TRAPPC2L: variants seen among roughly 807,000 people sequenced by gnomAD.
TRAPPC2L encodes trafficking protein particle complex subunit 2-like protein.
Under a neutral mutation model 13.2 loss-of-function variants are expected in TRAPPC2L, and 17 were observed. The ratio of observed to expected loss-of-function variants is 1.29; its 90% confidence interval spans 0.88 to 1.93. TRAPPC2L has a LOEUF of 1.93. Among genes scored for constraint, TRAPPC2L ranks in the 30% most tolerant of loss-of-function variants. The pLI is 0.00. For missense variants in TRAPPC2L, 359 were observed against 252.1 expected (o/e 1.42, Z -2.87); for synonymous variants, 150 against 98.1 (o/e 1.53, Z -3.12).
intron 2 of TRAPPC2L, 184 bp downstream of exon 2, chr16:88,858,975 G>A (rs1187112951): frequency 1.6e-6 from 1 of 631,360 alleles, no homozygotes; most frequent in African/African-American, 1.8e-5. Flanking sequence ...GAGCCATTTG[G>A]GAAAAGCAAG....
rs762265653 is a variant in TRAPPC2L, at chr16:88,858,671, A to C, written c.86A>C (p.His29Pro). 2.5e-6 allele frequency: 4 copies of C among 1,613,392 alleles called. No individual in the cohort carries two copies. In the East Asian group the frequency reaches 8.9e-5, roughly 36 times the overall value. The stretch of plus-strand genomic sequence containing the variant: ...CCTACGGAGAACGAGCTGAAGTTCC[A>C]CTACATGGTGCACACATCTCTGGAC... The change falls in exon 2 of 4, where the codon CAC becomes CCC. Residue 29 changes from histidine (H) to proline (P), a missense_variant. His to Pro is a moderately conservative substitution (Grantham distance 77). Coordinates refer to ENST00000565504, the Ensembl canonical transcript of TRAPPC2L.
chr16:88,859,777 C>T (rs1316825967), intron 3 of TRAPPC2L, 27 bp downstream of exon 3: 1 of 1,599,158 alleles, frequency 6.3e-7, no homozygotes, highest in African/African-American at 1.3e-5. Flanking sequence ...GAGGGCCACG[C>T]CCGAGTGGGT....
upstream of TRAPPC2L, chr16:88,856,571 GCAC>G: frequency 2.6e-6 from 1 of 379,708 alleles, no homozygotes; most frequent in Non-Finnish European, 4.9e-6. Flanking sequence ...CCCCCTCCCC[GCAC>G]GGGGATACCC....
At chr16:88,859,332 T>G (rs1968210065) in intron 2 of TRAPPC2L, 1 of 668,658 alleles carries the variant, frequency 1.5e-6, no homozygotes, top group Non-Finnish European at 2.8e-6. Context: ...TCACGAAGCC[T>G]CTGGTTTTGC....
At chr16:88,860,396 C>A in exon 4 of TRAPPC2L, 1 of 614,888 alleles carries the variant, frequency 1.6e-6, no homozygotes, top group South Asian at 1.9e-5. Context: ...ACAAAGTAAA[C>A]AGATTTAACT....
intron 2 of TRAPPC2L, 136 bp downstream of exon 2, chr16:88,858,927 G>T: frequency 1.2e-6 from 1 of 852,420 alleles, no homozygotes. Flanking sequence ...GGTAGCTTGA[G>T]GTGAATGAAG....
At chr16:88,856,275 G>A, upstream of TRAPPC2L, 1 of 703,028 alleles carries the variant, frequency 1.4e-6, no homozygotes, top group South Asian at 1.5e-5. Context: ...GGGGGGACCC[G>A]GCGGCCCGAG....
At chr16:88,861,622 T>C in exon 4 of TRAPPC2L, 1 of 493,806 alleles carries the variant, frequency 2.0e-6, no homozygotes, top group South Asian at 1.5e-5. Flanking sequence ...GGTTGGGTGC[T>C]GTGTCACTTG....
rs200697186 is a variant in TRAPPC2L at position 88,857,199 on chromosome 16, G to A, written c.33+16G>A. The stretch of plus-strand genomic sequence containing the variant: ...TGCCAAGGAGGTGCGTACGCGCGGC[G>A]TGGGGCGTCCGGGCTCGCACCATCC... On this transcript the variant is annotated intron_variant, in intron 1 of 3. Coordinates refer to ENST00000565504, the Ensembl canonical transcript of TRAPPC2L. 1.9e-5 allele frequency: 30 copies of A among 1,564,042 alleles called. No individual in the cohort carries two copies. The South Asian group carries it at 2.9e-4, about 15-fold the overall frequency.
chr16:88,856,247 G>T (rs1445453330), upstream of TRAPPC2L: 2 of 703,040 alleles, frequency 2.8e-6, no homozygotes, highest in Non-Finnish European at 5.2e-6. Context: ...CAGCCGTCAG[G>T]TAAGACTGGA....
chr16:88,859,788 G>A (rs1968246467), intron 3 of TRAPPC2L, 38 bp downstream of exon 3: 1 of 1,595,338 alleles, frequency 6.3e-7, no homozygotes, highest in African/African-American at 1.4e-5. Context: ...CCGAGTGGGT[G>A]TTTTGTTTTT....
chr16:88,859,817 G>A, intron 3 of TRAPPC2L, 67 bp downstream of exon 3: 1 of 1,585,846 alleles, frequency 6.3e-7, no homozygotes, highest in Non-Finnish European at 8.6e-7. Flanking sequence ...ACTTTGTTTT[G>A]AAATGCTGAG....
chr16:88,860,862 A>G lies in TRAPPC2L; in HGVS notation c.*538A>G, dbSNP rs1484798398. 2.6e-6 allele frequency: 4 copies of G among 1,555,312 alleles called. No homozygotes were observed. In the Admixed American group the frequency reaches 5.8e-5, roughly 23 times the overall value. On this transcript the variant is annotated 3_prime_UTR_variant, in exon 4 of 4. Transcript: ENST00000565504. ...CATGCTGCCCGGCCCGTCTCTGAGC[A>G]GAGGGGTGGAGGGCCTGGCTCTCCT...
chr16:88,856,757 C>A, upstream of TRAPPC2L: 2 of 1,525,564 alleles, frequency 1.3e-6, no homozygotes, highest in Non-Finnish European at 1.8e-6. Context: ...CCCGCACTCA[C>A]GTCGTCCATG....
At chr16:88,858,957 C>T in intron 2 of TRAPPC2L, 166 bp downstream of exon 2, 3 of 692,632 alleles carry the variant, frequency 4.3e-6, no homozygotes, top group Non-Finnish European at 7.0e-6. Context: ...TCTTCTCTTT[C>T]ATTGGAAGAG....
At chr16:88,860,220 G>C (rs1410656464) in exon 4 of TRAPPC2L, 3 of 704,350 alleles carry the variant, frequency 4.3e-6, no homozygotes, top group Non-Finnish European at 7.8e-6. Flanking sequence ...TGCCCATTTG[G>C]CTTCCCAGGT....
At chr16:88,858,374 A>T (rs1968127033) in intron 1 of TRAPPC2L, among the ~76,000 whole-genome samples, 1 of 152,020 alleles carries the variant, frequency 6.6e-6, no homozygotes, top group East Asian at 1.9e-4. Context: ...CATTTTTCTG[A>T]TTCATTTTTT....
chr16:88,858,025 C>A (rs1968084315), intron 1 of TRAPPC2L, among the ~76,000 whole-genome samples: 1 of 152,184 alleles, frequency 6.6e-6, no homozygotes, highest in Non-Finnish European at 1.5e-5. Flanking sequence ...GACTAGGTAT[C>A]ACTCCCCACG....
upstream of TRAPPC2L, chr16:88,856,907 C>A (rs1967950525): frequency 1.3e-6 from 2 of 1,498,342 alleles, 1 homozygote; most frequent in South Asian, 2.5e-5. Context: ...GAGCCCCGGC[C>A]AGCGAGCCGA....
Sources: allele counts gnomAD v4.1 joint callset (sites outside exome capture counted in the v4.1 genomes callset), GRCh38; gene constraint gnomAD v4.1.1; transcripts MANE v1.5; gene names NCBI Gene and HGNC (gene_info 2026-07-23, HGNC 2026-07-21).